The following SLC39A11 variants were observed in gnomAD, a reference collection of about 807,000 sequenced individuals.
The protein encoded by SLC39A11 is solute carrier family 39 member 11, also known as zinc transporter ZIP11.
SLC39A11 carries 33 observed loss-of-function variants against 36.1 expected under a neutral mutation model. That is an observed-to-expected ratio of 0.91 (90% CI 0.69 to 1.22). The LOEUF (loss-of-function observed/expected upper bound fraction) is 1.22, where lower values mean the gene tolerates loss of function less well. Among genes scored for constraint, SLC39A11 ranks in the 50% most tolerant of loss-of-function variants. The pLI is 0.00. For missense variants in SLC39A11, 432 were observed against 430.3 expected (o/e 1.00, Z -0.03); for synonymous variants, 166 against 170.3 (o/e 0.97, Z 0.20).
chr17:73,027,634 T>C (rs973258870), intron 4 of SLC39A11, among the ~76,000 whole-genome samples: 5 of 152,192 alleles, frequency 3.3e-5, no homozygotes, highest in Non-Finnish European at 7.4e-5. Flanking sequence ...GAGGGACAGA[T>C]AAATCTGAAA....
At chr17:72,835,915 C>G (rs532636082) in intron 6 of SLC39A11, among the ~76,000 whole-genome samples, 1 of 152,340 alleles carries the variant, frequency 6.6e-6, no homozygotes, top group East Asian at 1.9e-4. Flanking sequence ...CTTGGCCTTT[C>G]TGCTCTAAAG....
intron 7 of SLC39A11, among the ~76,000 whole-genome samples, chr17:72,699,043 A>G (rs1005384538): frequency 1.3e-5 from 2 of 152,018 alleles, no homozygotes; most frequent in Non-Finnish European, 2.9e-5. Flanking sequence ...GTTAGCCAGG[A>G]TGGTCTCGAT....
At chr17:72,817,515 T>C (rs375781764) in intron 6 of SLC39A11, among the ~76,000 whole-genome samples, 14 of 152,032 alleles carry the variant, frequency 9.2e-5, no homozygotes, top group African/African-American at 3.4e-4. Flanking sequence ...TCTCCAACAA[T>C]GAAACTTCAG....
At chr17:72,718,774 T>G (rs558508406) in intron 7 of SLC39A11, among the ~76,000 whole-genome samples, 9 of 152,330 alleles carry the variant, frequency 5.9e-5, no homozygotes, top group Admixed American at 4.6e-4. Flanking sequence ...CCAGCTTTCT[T>G]GATTGTTCCA....
At chr17:72,742,304 G>A (rs1188206566) in intron 6 of SLC39A11, among the ~76,000 whole-genome samples, 2 of 152,172 alleles carry the variant, frequency 1.3e-5, no homozygotes, top group African/African-American at 2.4e-5. Context: ...CATCCTTTCC[G>A]TTAGGGAGGA....
intron 3 of SLC39A11, among the ~76,000 whole-genome samples, chr17:73,066,839 T>C (rs375434014): frequency 6.6e-6 from 1 of 152,236 alleles, no homozygotes; most frequent in Non-Finnish European, 1.5e-5. Context: ...TTTAATTGCA[T>C]AGACCAATAC....
Position 72,852,181 on chromosome 17 carries a change from G to T in SLC39A11, c.431-2377C>A, listed in dbSNP as rs1230342276. Among the ~76,000 whole-genome samples, 3 of 103,346 alleles carry T rather than the reference G, an allele frequency of 2.9e-5. No individual in the cohort carries two copies. The Admixed American group carries it at 4.0e-4, about 14-fold the overall frequency. 67.8% of individuals were successfully genotyped at this position (103,346 alleles called of 152,430 possible). A position where few individuals can be genotyped will look rare whatever the true frequency, so the allele number is the denominator to read the frequency against. ...GATCCCGCGGCTGCACTCCAGCCTG[G>T]GCAACAGAGCAAGACTCCGTCTCAA... On this transcript the variant is annotated intron_variant, in intron 5 of 9. Transcript: ENST00000255559.
Position 72,820,769 on chromosome 17 carries a change from C to T in SLC39A11, c.601+28865G>A, listed in dbSNP as rs551237951. On this transcript the variant is annotated intron_variant, in intron 6 of 9. Coordinates refer to ENST00000255559, the MANE Select transcript of SLC39A11 (RefSeq NM_139177.4). ...TGGGTGCTAACGGGCGGGCAGAAGC[C>T]GGCCAGGTGAAAAGAATGGGGCAGA... Among the ~76,000 whole-genome samples the T allele has an allele frequency of 1.7e-3, 259 of 150,784 alleles. 1 individual carries two copies. The highest frequency in any genetic ancestry group is 5.9e-3 in the African/African-American group (245 of 41,304).
chr17:72,719,084 CAA>C lies in SLC39A11; in HGVS notation c.671+17564_671+17565del, dbSNP rs34226537. ...CAAAACCCCGAATCTACTAAAAATA[CAA>C]AAAAAAAAAAATTAGCCAGGTGTGA... On this transcript the variant is annotated intron_variant, in intron 7 of 9. Coordinates refer to ENST00000255559, the MANE Select transcript of SLC39A11 (RefSeq NM_139177.4). 2.9e-3 allele frequency among the ~76,000 whole-genome samples: 424 copies of C among 145,870 alleles called. 1 individual carries two copies. Among genetic ancestry groups the C allele is most frequent in the African/African-American group, 9.1e-3 (367 of 40,388 alleles).
Position 72,861,691 on chromosome 17 carries a change from A to T in SLC39A11, c.431-11887T>A, listed in dbSNP as rs11655042. Among the ~76,000 whole-genome samples, 96 of 108,728 alleles carry T rather than the reference A, an allele frequency of 8.8e-4. 1 individual carries two copies. Among genetic ancestry groups the T allele is most frequent in the African/African-American group, 1.7e-3 (48 of 27,646 alleles). The allele number at this position is 108,728 out of a possible 152,430, so 71.3% of individuals were successfully genotyped here. A position where few individuals can be genotyped will look rare whatever the true frequency, so the allele number is the denominator to read the frequency against. The stretch of plus-strand genomic sequence containing the variant: ...TATATATATATATATATATATATAA[A>T]ATATATATATTGGATATATATAGGA... On this transcript the variant is annotated intron_variant, in intron 5 of 9. Coordinates refer to ENST00000255559, the MANE Select transcript of SLC39A11 (RefSeq NM_139177.4).
chr17:72,971,205 C>A (rs1292075727), intron 4 of SLC39A11, among the ~76,000 whole-genome samples: 3 of 152,108 alleles, frequency 2.0e-5, no homozygotes, highest in Non-Finnish European at 4.4e-5. Flanking sequence ...GATTTGGGAA[C>A]GGTTGAGAAC....
intron 6 of SLC39A11, among the ~76,000 whole-genome samples, chr17:72,820,588 C>A (rs1402430415): frequency 6.6e-6 from 1 of 151,234 alleles, no homozygotes; most frequent in East Asian, 1.9e-4. Flanking sequence ...CCCCAAAGAG[C>A]CCATGCTCTT....
intron 5 of SLC39A11, among the ~76,000 whole-genome samples, chr17:72,935,315 C>A (rs1392380731): frequency 6.6e-6 from 1 of 151,866 alleles, no homozygotes; most frequent in Non-Finnish European, 1.5e-5. Context: ...CTGGAAGAGG[C>A]AAAAATATAG....
At chr17:72,882,387 T>C (rs1454675819) in intron 5 of SLC39A11, among the ~76,000 whole-genome samples, 1 of 150,884 alleles carries the variant, frequency 6.6e-6, no homozygotes, top group African/African-American at 2.4e-5. Context: ...AAAATGCTCT[T>C]TCAACTTTCT....
intron 5 of SLC39A11, among the ~76,000 whole-genome samples, chr17:72,924,561 A>T (rs370721724): frequency 4.6e-5 from 7 of 152,294 alleles, no homozygotes; most frequent in Admixed American, 2.0e-4. Flanking sequence ...GGGGACCTAA[A>T]ACAACTTTTG....
intron 6 of SLC39A11, among the ~76,000 whole-genome samples, chr17:72,750,275 C>T (rs544104917): frequency 2.6e-5 from 4 of 152,192 alleles, no homozygotes; most frequent in East Asian, 1.9e-4. Flanking sequence ...AGGTTGGACC[C>T]GATTGCCTTG....
chr17:73,054,019 G>C (rs1385569364), intron 3 of SLC39A11, among the ~76,000 whole-genome samples: 1 of 152,096 alleles, frequency 6.6e-6, no homozygotes, highest in Non-Finnish European at 1.5e-5. Context: ...CAGCACACAT[G>C]GGGGGTCTGG....
chr17:72,675,934 C>A (rs2071237714), intron 7 of SLC39A11, among the ~76,000 whole-genome samples: 1 of 152,102 alleles, frequency 6.6e-6, no homozygotes, highest in Admixed American at 6.5e-5. Flanking sequence ...CTGCCTTGGC[C>A]TCCCAAAGTG....
intron 7 of SLC39A11, among the ~76,000 whole-genome samples, chr17:72,688,949 G>A (rs1044926909): frequency 1.2e-4 from 19 of 152,048 alleles, no homozygotes; most frequent in Admixed American, 5.9e-4. Flanking sequence ...TTCACACCCC[G>A]CAGGCTCTGG....
Sources: allele counts gnomAD v4.1 joint callset (sites outside exome capture counted in the v4.1 genomes callset), GRCh38; gene constraint gnomAD v4.1.1; transcripts MANE v1.5; gene names NCBI Gene and HGNC (gene_info 2026-07-23, HGNC 2026-07-21).